The following RBFOX1 variants were observed in gnomAD, a reference collection of about 807,000 sequenced individuals.
The protein encoded by RBFOX1 is RNA binding protein fox-1 homolog 1.
In RBFOX1, 8 loss-of-function variants were observed where a neutral mutation model predicts 57.7. That is an observed-to-expected ratio of 0.14 (90% CI 0.08 to 0.25). The LOEUF (loss-of-function observed/expected upper bound fraction) is 0.25, where lower values mean the gene tolerates loss of function less well. Ranked by LOEUF, RBFOX1 falls within the 10% of genes least tolerant of loss-of-function variation. The pLI, the probability that RBFOX1 is intolerant of heterozygous loss-of-function variation, is 1.00. For synonymous variants in RBFOX1, 326 were observed against 222.4 expected (o/e 1.47, Z -4.15); for missense variants, 611 against 548.5 (o/e 1.11, Z -1.14).
At chr16:6,065,872 C>A (rs914224841) in intron 1 of RBFOX1, among the ~76,000 whole-genome samples, 5 of 152,152 alleles carry the variant, frequency 3.3e-5, no homozygotes. Context: ...TGGATTTTGC[C>A]TCCGAGGACT....
At chr16:7,006,079 A>C (rs928908516) in intron 3 of RBFOX1, among the ~76,000 whole-genome samples, 1 of 152,174 alleles carries the variant, frequency 6.6e-6, no homozygotes, top group East Asian at 1.9e-4. Context: ...AGTAAACCCT[A>C]CTTTGTTCAA....
At chr16:5,486,281 A>G (rs927883526) in intron 2 of RBFOX1, among the ~76,000 whole-genome samples, 4 of 152,220 alleles carry the variant, frequency 2.6e-5, no homozygotes, top group African/African-American at 9.6e-5. Flanking sequence ...CTACCCGTGA[A>G]GAAGAGAACA....
At chr16:6,172,398 T>C (rs1156770206) in intron 1 of RBFOX1, among the ~76,000 whole-genome samples, 2 of 152,186 alleles carry the variant, frequency 1.3e-5, no homozygotes, top group Non-Finnish European at 2.9e-5. Flanking sequence ...ATCTCTCGTT[T>C]ACAGTTCCAT....
At chr16:6,249,932 T>C (rs113240882) in intron 1 of RBFOX1, among the ~76,000 whole-genome samples, 5 of 151,410 alleles carry the variant, frequency 3.3e-5, no homozygotes, top group African/African-American at 1.2e-4. Context: ...CCACTCCCCC[T>C]ACCCCACAAT....
chr16:5,982,556 G>A (rs759246833), intron 4 of RBFOX1, among the ~76,000 whole-genome samples: 47 of 152,250 alleles, frequency 3.1e-4, no homozygotes, highest in African/African-American at 8.2e-4. Flanking sequence ...GATTACAGGC[G>A]TGAGCCACTG....
chr16:7,060,358 T>A lies in RBFOX1; in HGVS notation c.27+8260T>A, dbSNP rs192283461. Among the ~76,000 whole-genome samples the A allele has an allele frequency of 3.0e-4, 46 of 152,296 alleles. No individual in the cohort carries two copies. The East Asian group carries it at 6.0e-3, about 20-fold the overall frequency. Reference sequence around the variant, plus strand: ...TGTGGGAAGGTTAATGAGGGATTTTTATCAACAGAGAAATCATTCAAAGAA... The same window carrying A: ...TGTGGGAAGGTTAATGAGGGATTTTAATCAACAGAGAAATCATTCAAAGAA... On this transcript the variant is annotated intron_variant, in intron 4 of 15. Coordinates refer to ENST00000550418, the MANE Select transcript of RBFOX1 (RefSeq NM_018723.4).
At chr16:7,522,823 A>G (rs908853147) in intron 5 of RBFOX1, among the ~76,000 whole-genome samples, 2 of 152,200 alleles carry the variant, frequency 1.3e-5, no homozygotes, top group African/African-American at 2.4e-5. Context: ...GAAAAAAGAA[A>G]CCACTTTTTA....
intron 4 of RBFOX1, among the ~76,000 whole-genome samples, chr16:5,898,290 T>G (rs1201363326): frequency 1.3e-5 from 2 of 152,102 alleles, no homozygotes; most frequent in East Asian, 1.9e-4. Flanking sequence ...GGAACTAAAT[T>G]CGAGTTGAGA....
At chr16:7,038,985 C>T (rs2045350295) in intron 3 of RBFOX1, among the ~76,000 whole-genome samples, 1 of 152,088 alleles carries the variant, frequency 6.6e-6, no homozygotes, top group African/African-American at 2.4e-5. Flanking sequence ...GACTTATAGC[C>T]AGAGCAGTGA....
chr16:7,053,839 G>A (rs1213298220), intron 4 of RBFOX1, among the ~76,000 whole-genome samples: 1 of 152,112 alleles, frequency 6.6e-6, no homozygotes, highest in African/African-American at 2.4e-5. Context: ...TTTGTTTGTT[G>A]TTACTTTTAT....
At position 6,767,027 on chromosome 16, in the gene RBFOX1, G is replaced by T. The variant is rs561461549; in HGVS notation, c.-16+112377G>T. ...CCAGGTCATTTCTGGTCATGGCGAG[G>T]TCTTTTTCACAAAATAATCATTGTT... On this transcript the variant is annotated intron_variant, in intron 3 of 15. Transcript: ENST00000550418. 1.2e-4 allele frequency among the ~76,000 whole-genome samples: 19 copies of T among 152,172 alleles called. No individual in the cohort carries two copies. In the East Asian group the frequency reaches 3.3e-3, roughly 26 times the overall value.
intron 3 of RBFOX1, among the ~76,000 whole-genome samples, chr16:6,672,852 C>T (rs914734562): frequency 3.3e-5 from 5 of 152,148 alleles, no homozygotes; most frequent in African/African-American, 9.6e-5. Flanking sequence ...GGACCTATCT[C>T]TGATGTTATG....
intron 2 of RBFOX1, among the ~76,000 whole-genome samples, chr16:5,565,437 C>A (rs1042979193): frequency 6.6e-6 from 1 of 151,946 alleles, no homozygotes; most frequent in Admixed American, 6.6e-5. Flanking sequence ...AGCAGCCTGA[C>A]CAACATAGAG....
intron 3 of RBFOX1, among the ~76,000 whole-genome samples, chr16:6,842,638 T>C (rs1199393416): frequency 7.2e-6 from 1 of 139,696 alleles, no homozygotes; most frequent in Non-Finnish European, 1.5e-5. Flanking sequence ...GACTGTTTTT[T>C]TTAAATCTAT....
At chr16:7,113,579 C>T (rs754839656) in intron 4 of RBFOX1, among the ~76,000 whole-genome samples, 14 of 152,140 alleles carry the variant, frequency 9.2e-5, no homozygotes, top group Middle Eastern at 3.2e-3. Context: ...ATTGGAGCCA[C>T]ATGATGAATG....
At chr16:6,222,522 A>T (rs1031732918) in intron 1 of RBFOX1, among the ~76,000 whole-genome samples, 1 of 151,894 alleles carries the variant, frequency 6.6e-6, no homozygotes, top group African/African-American at 2.4e-5. Flanking sequence ...ATCAGCTCTG[A>T]CATAGCAACC....
chr16:7,700,054 T>TCC (rs927524940), intron 14 of RBFOX1, among the ~76,000 whole-genome samples: 46 of 152,214 alleles, frequency 3.0e-4, no homozygotes, highest in African/African-American at 1.1e-3. Flanking sequence ...GCCCAGAACC[T>TCC]CCCTACTTCT....
In RBFOX1 at chr16:7,505,284, CAT is replaced by C. The variant is rs2072898219; in HGVS notation, c.28-12861_28-12860del. ...GGAAACCAGACAAGGTTCCTATACT[CAT>C]AGAGTTCACAGTCCAGTTGGAGATG... On this transcript the variant is annotated intron_variant, in intron 4 of 15. Transcript: ENST00000550418. Among the ~76,000 whole-genome samples the C allele has an allele frequency of 3.3e-5, 5 of 150,946 alleles. No individual in the cohort carries two copies. In the South Asian group the frequency reaches 1.0e-3, roughly 32 times the overall value.
chr16:7,372,269 A>T (rs2097580679), intron 4 of RBFOX1, among the ~76,000 whole-genome samples: 1 of 152,122 alleles, frequency 6.6e-6, no homozygotes, highest in African/African-American at 2.4e-5. Flanking sequence ...ACCACTTCAT[A>T]CTTCAGATCC....
Sources: allele counts gnomAD v4.1 joint callset (sites outside exome capture counted in the v4.1 genomes callset), GRCh38; gene constraint gnomAD v4.1.1; transcripts MANE v1.5; gene names NCBI Gene and HGNC (gene_info 2026-07-23, HGNC 2026-07-21).